Variants in IGFL2 observed in about 807,000 individuals in gnomAD.
IGFL2 encodes insulin growth factor-like family member 2.
IGFL2 carries 7 observed loss-of-function variants against 13.9 expected under a neutral mutation model. The ratio of observed to expected loss-of-function variants is 0.51; its 90% CI spans 0.29 to 0.95. The LOEUF (loss-of-function observed/expected upper bound fraction) is 0.95. Ranked by LOEUF, IGFL2 falls within the 40% of genes least tolerant of loss-of-function variation. The pLI is 0.08. For synonymous variants in IGFL2, 55 were observed against 55.8 expected (o/e 0.99, Z 0.07); for missense variants, 138 against 147.8 (o/e 0.93, Z 0.34).
At chr19:46,179,560 G>C in the IGFL2 span, 1 of 152,434 alleles carries the variant, frequency 6.6e-6, no homozygotes, top group African/African-American at 2.4e-5. Flanking sequence ...AGCACAGCAG[G>C]AAAGAGGGTA....
At chr19:46,136,164 A>C in the IGFL2 span, among the ~76,000 whole-genome samples, 1 of 152,172 alleles carries the variant, frequency 6.6e-6, no homozygotes, top group Non-Finnish European at 1.5e-5. Flanking sequence ...TTTCATGGAC[A>C]GCATCCTCAA....
the IGFL2 span, among the ~76,000 whole-genome samples, chr19:46,175,166 C>T: frequency 3.9e-5 from 6 of 152,134 alleles, no homozygotes; most frequent in African/African-American, 9.7e-5. Context: ...TAACACTTAT[C>T]GAGCACATAA....
At chr19:46,124,234 C>CT in the IGFL2 span, 1 of 1,609,208 alleles carries the variant, frequency 6.2e-7, no homozygotes, top group Non-Finnish European at 8.5e-7. Context: ...AACACCACCT[C>CT]TTCCCTCCTC....
the IGFL2 span, among the ~76,000 whole-genome samples, chr19:46,105,657 C>T: frequency 5.9e-5 from 9 of 152,082 alleles, no homozygotes; most frequent in African/African-American, 1.7e-4. Flanking sequence ...AAAGTATATG[C>T]ATCAGGTGTG....
chr19:46,193,625 G>C, the IGFL2 span, among the ~76,000 whole-genome samples: 1,671 of 151,458 alleles, frequency 0.011, 31 homozygotes, highest in African/African-American at 0.037. Context: ...TGGTAAGAAT[G>C]AATCTGCTGT....
At chr19:46,097,640 G>A in the IGFL2 span, among the ~76,000 whole-genome samples, 1 of 152,068 alleles carries the variant, frequency 6.6e-6, no homozygotes, top group Non-Finnish European at 1.5e-5. Context: ...CTGATGTAGG[G>A]ATTTAGTGCT....
At chr19:46,145,937 GTCTGTTGCTTCACT>G (rs949149238), upstream of IGFL2, among the ~76,000 whole-genome samples, 2 of 152,266 alleles carry the variant, frequency 1.3e-5, no homozygotes, top group Admixed American at 6.5e-5. Context: ...TTGGTAGCCT[GTCTGTTGCTTCACT>G]TAACAATTTG....
the IGFL2 span, among the ~76,000 whole-genome samples, chr19:46,107,463 G>T: frequency 6.6e-6 from 1 of 151,744 alleles, no homozygotes; most frequent in African/African-American, 2.4e-5. Context: ...GGAATCCCAG[G>T]CTGTGGGCAT....
the IGFL2 span, chr19:46,211,594 G>A: frequency 6.6e-6 from 1 of 152,100 alleles, no homozygotes; most frequent in African/African-American, 2.4e-5. Context: ...TCACATTCCG[G>A]GTTTCACATT....
chr19:46,153,817 GTATA>G (rs373971338), intron 1 of IGFL2, among the ~76,000 whole-genome samples: 4 of 145,242 alleles, frequency 2.8e-5, no homozygotes, highest in Non-Finnish European at 6.0e-5. Flanking sequence ...TTATATATGT[GTATA>G]TATATATATA....
the IGFL2 span, among the ~76,000 whole-genome samples, chr19:46,200,281 G>C: frequency 6.6e-6 from 1 of 152,038 alleles, no homozygotes; most frequent in Non-Finnish European, 1.5e-5. Context: ...AAATTCTCCT[G>C]CCTCAGCCCC....
At chr19:46,179,086 A>T in the IGFL2 span, among the ~76,000 whole-genome samples, 1 of 151,732 alleles carries the variant, frequency 6.6e-6, no homozygotes, top group Non-Finnish European at 1.5e-5. Flanking sequence ...GCAGGGCTGC[A>T]GGGGTCCGGG....
At chr19:46,101,560 A>G in the IGFL2 span, among the ~76,000 whole-genome samples, 1 of 152,246 alleles carries the variant, frequency 6.6e-6, no homozygotes, top group Admixed American at 6.5e-5. Flanking sequence ...AAGACATCCA[A>G]TCTCCCTGGC....
the IGFL2 span, among the ~76,000 whole-genome samples, chr19:46,194,297 C>T: frequency 1.3e-5 from 2 of 152,114 alleles, no homozygotes; most frequent in African/African-American, 4.8e-5. Flanking sequence ...CTGCAAGGGC[C>T]TCTCTCTGCC....
At chr19:46,137,143 G>T in the IGFL2 span, 5 of 1,608,888 alleles carry the variant, frequency 3.1e-6, no homozygotes, top group African/African-American at 6.7e-5. Flanking sequence ...AATGAAATGG[G>T]GTCTCCTCTA....
chr19:46,186,536 T>C, the IGFL2 span, among the ~76,000 whole-genome samples: 1 of 151,808 alleles, frequency 6.6e-6, no homozygotes, highest in African/African-American at 2.4e-5. Context: ...TGGAGGCTGC[T>C]TATCAGATTC....
the IGFL2 span, among the ~76,000 whole-genome samples, chr19:46,132,926 A>G: frequency 6.6e-6 from 1 of 152,146 alleles, no homozygotes; most frequent in East Asian, 1.9e-4. Context: ...CGTGACCCAA[A>G]CCACTAAGGA....
the IGFL2 span, among the ~76,000 whole-genome samples, chr19:46,172,084 G>GA: frequency 1.3e-5 from 2 of 152,180 alleles, no homozygotes; most frequent in African/African-American, 2.4e-5. Context: ...TCCTTGGCAG[G>GA]AAGTGTTCTT....
the IGFL2 span, among the ~76,000 whole-genome samples, chr19:46,102,504 G>A: frequency 6.6e-6 from 1 of 152,118 alleles, no homozygotes; most frequent in Admixed American, 6.5e-5. Flanking sequence ...ATAGTACAAA[G>A]TACATTCACA....
Sources: gnomAD v4.1 joint callset for allele counts (sites outside exome capture counted in the v4.1 genomes callset) on GRCh38, gnomAD v4.1.1 for gene constraint, MANE v1.5 for transcripts, NCBI Gene and HGNC (gene_info 2026-07-23, HGNC 2026-07-21) for gene names.